PRRX2: variants seen among roughly 807,000 people sequenced by gnomAD.
The protein encoded by PRRX2 is paired related homeobox 2.
In PRRX2, 11 loss-of-function variants were observed where a neutral mutation model predicts 18.0. The observed-to-expected ratio is 0.61, with a 90% CI of 0.39 to 1.01. PRRX2 has a LOEUF of 1.01. Ranked by LOEUF, PRRX2 falls within the 50% of genes least tolerant of loss-of-function variation. The pLI is 0.01. For missense variants in PRRX2, 387 were observed against 351.0 expected, an observed-to-expected ratio of 1.10 and a Z score of -0.82; for synonymous variants, 177 against 154.8, an observed-to-expected ratio of 1.14 and a Z score of -1.06.
intron 1 of PRRX2, among the ~76,000 whole-genome samples, chr9:129,681,586 G>GT (rs1832231332): frequency 6.6e-6 from 1 of 152,190 alleles, no homozygotes; most frequent in South Asian, 2.1e-4. Context: ...GCGGCAGCAG[G>GT]TGGGGAGATG....
chr9:129,718,918 AG>A (rs1053075110), intron 1 of PRRX2, among the ~76,000 whole-genome samples: 1 of 152,070 alleles, frequency 6.6e-6, no homozygotes, highest in African/African-American at 2.4e-5. Context: ...ACCTGTCCCC[AG>A]GGCTCTTGCC....
rs190749546 is a variant in PRRX2, at chr9:129,679,559, G to T, written c.259+13433G>T. Among the ~76,000 whole-genome samples the T allele has an allele frequency of 3.4e-3, 519 of 152,292 alleles. 3 individuals carry two copies. Among genetic ancestry groups the T allele is most frequent in the African/African-American group, 0.012 (500 of 41,560 alleles). The stretch of plus-strand genomic sequence containing the variant: ...AGCCAAGTTACACAGTAAGTACGTG[G>T]GGGCACCAGGCCTTGGGCTCTTGAC... On this transcript the variant is annotated intron_variant, in intron 1 of 3. Coordinates refer to ENST00000372469, the MANE Select transcript of PRRX2 (RefSeq NM_016307.4).
intron 1 of PRRX2, among the ~76,000 whole-genome samples, chr9:129,696,911 CT>C (rs1832431678): frequency 6.6e-6 from 1 of 152,134 alleles, no homozygotes; most frequent in East Asian, 1.9e-4. Flanking sequence ...GCGGACCCCC[CT>C]GGGGCCAGAG....
chr9:129,684,857 C>T (rs181669162), intron 1 of PRRX2, among the ~76,000 whole-genome samples: 3 of 152,338 alleles, frequency 2.0e-5, no homozygotes, highest in Admixed American at 1.3e-4. Context: ...GCTTTATAGA[C>T]GAGGCAGCCA....
chr9:129,666,350 A>G (rs890140150), intron 1 of PRRX2, among the ~76,000 whole-genome samples: 6 of 152,036 alleles, frequency 3.9e-5, no homozygotes, highest in Middle Eastern at 3.4e-3. Flanking sequence ...CCCCACGGGG[A>G]AGTGCGCTGC....
In PRRX2 at chr9:129,720,673, C is replaced by T; in HGVS notation, c.525C>T (p.Leu175=). The change falls in exon 3 of 4, where the codon CTC becomes CTT. Residue 175 remains leucine, a synonymous_variant. Coordinates refer to ENST00000372469, the MANE Select transcript of PRRX2 (RefSeq NM_016307.4). ...TGGCCAGCCGCTCTGCCTCGCTGCT[C>T]AAGTCCTACAGCCAGGAGGCCGCCA... is the stretch of plus-strand genomic sequence containing the variant. The part of the protein sequence containing the change: ...AMLASRSASL[L]KSYSQEAAIE... 1.2e-6 allele frequency: 2 copies of T among 1,613,542 alleles called. No homozygotes were observed. The highest frequency in any genetic ancestry group is 1.7e-6 in the Non-Finnish European group (2 of 1,179,862).
rs1832152766 is a variant in PRRX2, at chr9:129,675,491, C to T, written c.259+9365C>T. Among the ~76,000 whole-genome samples, 1 of 152,052 alleles carries T rather than the reference C, an allele frequency of 6.6e-6. No homozygotes were observed. Reference sequence around the variant, plus strand: ...GCCCCCTCCTGGCATCCTGCCGGCACCTCCTGCCCCCCTGCTACCCTCCCT... The same window carrying T: ...GCCCCCTCCTGGCATCCTGCCGGCATCTCCTGCCCCCCTGCTACCCTCCCT... On this transcript the variant is annotated intron_variant, in intron 1 of 3. Transcript: ENST00000372469. This position sits in a 1 kb window ranked among gnomAD's most constrained non-coding sequence, Gnocchi z 4.4.
Position 129,722,523 on chromosome 9 carries a change from C to T in PRRX2, c.*171C>T. 1 of 667,174 alleles carries T rather than the reference C, an allele frequency of 1.5e-6. No individual in the cohort carries two copies. The highest frequency in any genetic ancestry group is 2.1e-6 in the Non-Finnish European group (1 of 472,938). The allele number at this position is 667,174 out of a possible 1,614,324, so 41.3% of individuals were successfully genotyped here. On this transcript the variant is annotated 3_prime_UTR_variant, in exon 4 of 4. Transcript: ENST00000372469. ...GCCCCTGCAGCCGGGCCCAGCTCTT[C>T]TGTCCTTGGCCACCAGAGACTGCAG...
Position 129,695,148 on chromosome 9 carries a change from C to T in PRRX2, c.260-24083C>T, listed in dbSNP as rs971291329. On this transcript the variant is annotated intron_variant, in intron 1 of 3. Coordinates refer to ENST00000372469, the MANE Select transcript of PRRX2 (RefSeq NM_016307.4). The surrounding 1 kb of genome is among the most constrained non-coding windows in gnomAD (Gnocchi z 4.8). Reference sequence around the variant, plus strand: ...CTGGACCTGGCCAAGGCCAGGGCCTCATGAAGATCCAGGGTCATTCTAGAA... The same window carrying T: ...CTGGACCTGGCCAAGGCCAGGGCCTTATGAAGATCCAGGGTCATTCTAGAA... Among the ~76,000 whole-genome samples the T allele has an allele frequency of 2.0e-5, 3 of 152,206 alleles. No individual in the cohort carries two copies. The highest frequency in any genetic ancestry group is 6.5e-5 in the Admixed American group (1 of 15,274).
intron 1 of PRRX2, among the ~76,000 whole-genome samples, chr9:129,693,701 A>G (rs942471326): frequency 6.6e-6 from 1 of 152,112 alleles, no homozygotes; most frequent in African/African-American, 2.4e-5. Context: ...TATTGTCCCT[A>G]TTGGAAATAT....
intron 2 of PRRX2, among the ~76,000 whole-genome samples, 172 bp downstream of exon 2, chr9:129,719,590 A>G (rs1019650692): frequency 2.6e-5 from 4 of 152,264 alleles, no homozygotes; most frequent in African/African-American, 9.6e-5. Context: ...TGTGCCCTTG[A>G]GCAAGTGACT....
chr9:129,693,364 C>T (rs935272516), intron 1 of PRRX2, among the ~76,000 whole-genome samples: 1 of 152,138 alleles, frequency 6.6e-6, no homozygotes, highest in Non-Finnish European at 1.5e-5. Context: ...GAGGCCAAGG[C>T]GGGCGGATCA....
At chr9:129,719,130 C>T (rs913156807) in intron 1 of PRRX2, 101 bp from the exon 2 acceptor site, 37 of 1,152,654 alleles carry the variant, frequency 3.2e-5, no homozygotes, top group East Asian at 5.6e-5. Flanking sequence ...TTCCTGGCGG[C>T]GGCACTAAAG....
chr9:129,693,702 T>C (rs948514103), intron 1 of PRRX2, among the ~76,000 whole-genome samples: 1 of 152,238 alleles, frequency 6.6e-6, no homozygotes, highest in African/African-American at 2.4e-5. Context: ...ATTGTCCCTA[T>C]TGGAAATATG....
At chr9:129,717,180 G>A (rs1429028130) in intron 1 of PRRX2, among the ~76,000 whole-genome samples, 1 of 152,116 alleles carries the variant, frequency 6.6e-6, no homozygotes, top group African/African-American at 2.4e-5. Context: ...TGGAGTAACT[G>A]GGATTCCAGA....
At position 129,666,095 on chromosome 9, in the gene PRRX2, C is replaced by T; in HGVS notation, c.228C>T (p.Gly76=). The change falls in exon 1 of 4, where the codon GGC becomes GGT. Residue 76 remains glycine (G), a synonymous_variant. Coordinates refer to ENST00000372469, the MANE Select transcript of PRRX2 (RefSeq NM_016307.4). ...REGAAREPSG[G]SSGSEAAPQD... ...GCGCAGCACGGGAGCCGTCCGGGGG[C>T]AGCAGCGGCAGCGAGGCGGCGCCGC... is the stretch of plus-strand genomic sequence containing the variant. 9.7e-7 allele frequency: 1 copy of T among 1,030,184 alleles called. No homozygotes were observed. Among genetic ancestry groups the T allele is most frequent in the Admixed American group, 5.7e-5 (1 of 17,490 alleles). The allele number at this position is 1,030,184 out of a possible 1,614,324, so 63.8% of individuals were successfully genotyped here.
chr9:129,713,953 G>A (rs1220746975), intron 1 of PRRX2, among the ~76,000 whole-genome samples: 2 of 151,576 alleles, frequency 1.3e-5, no homozygotes, highest in African/African-American at 2.4e-5. Context: ...AACAGACATC[G>A]ATTTCAATCC....
chr9:129,685,935 C>G (rs910978040), intron 1 of PRRX2, among the ~76,000 whole-genome samples: 4 of 152,184 alleles, frequency 2.6e-5, no homozygotes, highest in African/African-American at 9.7e-5. Flanking sequence ...GGCCAGACCC[C>G]CACGCCTTTC....
At chr9:129,673,096 C>T (rs1832120499) in intron 1 of PRRX2, among the ~76,000 whole-genome samples, 1 of 152,090 alleles carries the variant, frequency 6.6e-6, no homozygotes, top group South Asian at 2.1e-4. Context: ...TACTCACAGC[C>T]CTATGTTCCC....
Sources: allele counts gnomAD v4.1 joint callset (sites outside exome capture counted in the v4.1 genomes callset), GRCh38; gene constraint gnomAD v4.1.1; non-coding constraint Gnocchi (gnomAD v3.1); transcripts MANE v1.5; gene names NCBI Gene and HGNC (gene_info 2026-07-23, HGNC 2026-07-21).